Variants in PDE1A observed in about 807,000 individuals in gnomAD.
PDE1A encodes dual specificity calcium/calmodulin-dependent 3',5'-cyclic nucleotide phosphodiesterase 1A.
In PDE1A, 35 loss-of-function variants were observed where a neutral mutation model predicts 61.7. That is an observed-to-expected ratio of 0.57 (90% CI 0.43 to 0.75). PDE1A has a LOEUF of 0.75. Ranked by LOEUF, PDE1A falls within the 30% of genes least tolerant of loss-of-function variation. The probability of loss-of-function intolerance (pLI) is 0.00; values close to 1 mark genes in which losing one functional copy is unlikely to be tolerated. For missense variants in PDE1A, 597 were observed against 630.6 expected, an observed-to-expected ratio of 0.95 and a Z score of 0.57; for synonymous variants, 232 against 213.2, an observed-to-expected ratio of 1.09 and a Z score of -0.77.
At chr2:182,541,407 C>T in the PDE1A span, among the ~76,000 whole-genome samples, 1 of 152,236 alleles carries the variant, frequency 6.6e-6, no homozygotes, top group Non-Finnish European at 1.5e-5. Context: ...AGTCTTACCA[C>T]TTTCCAACTC....
At chr2:182,547,941 G>A in the PDE1A span, among the ~76,000 whole-genome samples, 2 of 152,046 alleles carry the variant, frequency 1.3e-5, no homozygotes, top group East Asian at 1.9e-4. Flanking sequence ...CAACAATATC[G>A]AGAAACCGAG....
intron 1 of PDE1A, among the ~76,000 whole-genome samples, chr2:182,334,312 A>G (rs1697633664): frequency 6.6e-6 from 1 of 151,844 alleles, no homozygotes; most frequent in South Asian, 2.1e-4. Context: ...ACACACCAAA[A>G]AAAAAAGAAA....
chr2:182,420,188 G>A (rs1440653003), intron 1 of PDE1A, among the ~76,000 whole-genome samples: 1 of 152,008 alleles, frequency 6.6e-6, no homozygotes, highest in Non-Finnish European at 1.5e-5. Context: ...ATTAGCAAGA[G>A]TCTCTTTTTT....
intron 2 of PDE1A, among the ~76,000 whole-genome samples, chr2:182,493,021 C>A (rs757934433): frequency 5.3e-5 from 8 of 151,640 alleles, no homozygotes; most frequent in Non-Finnish European, 8.8e-5. Flanking sequence ...GGCTTTTCAA[C>A]CACACTTCTT....
At chr2:182,154,449 T>C (rs2125280822) in intron 13 of PDE1A, among the ~76,000 whole-genome samples, 1 of 152,318 alleles carries the variant, frequency 6.6e-6, no homozygotes, top group South Asian at 2.1e-4. Flanking sequence ...GGTTTAGCTG[T>C]GTCCCCACCC....
chr2:182,644,128 T>TACACACACACACAC, the PDE1A span, among the ~76,000 whole-genome samples: 35,528 of 128,384 alleles, frequency 0.28, 5,815 homozygotes, highest in Admixed American at 0.4. Context: ...AATCAATGAT[T>TACACACACACACAC]ACACACACAC....
chr2:182,487,997 T>C (rs142876166), intron 2 of PDE1A, among the ~76,000 whole-genome samples: 7 of 152,342 alleles, frequency 4.6e-5, no homozygotes, highest in Non-Finnish European at 7.4e-5. Flanking sequence ...CCACTGTTTA[T>C]AGTTTTCTTT....
intron 1 of PDE1A, among the ~76,000 whole-genome samples, chr2:182,388,785 T>C (rs755517760): frequency 4.6e-5 from 7 of 151,428 alleles, no homozygotes; most frequent in Admixed American, 6.6e-5. Context: ...TTAAAGTATA[T>C]GGAAGGAAGT....
At chr2:182,278,605 AT>A (rs1693598463) in intron 1 of PDE1A, among the ~76,000 whole-genome samples, 1 of 151,948 alleles carries the variant, frequency 6.6e-6, no homozygotes, top group Admixed American at 6.6e-5. Context: ...TTGTTTATGT[AT>A]TATGGACTAG....
chr2:182,662,517 A>T, the PDE1A span, among the ~76,000 whole-genome samples: 2 of 152,118 alleles, frequency 1.3e-5, no homozygotes, highest in Non-Finnish European at 2.9e-5. Flanking sequence ...CAGAATAGAG[A>T]GCGCAGAAAT....
chr2:182,345,398 A>G (rs1256738517), intron 1 of PDE1A, among the ~76,000 whole-genome samples: 1 of 152,196 alleles, frequency 6.6e-6, no homozygotes, highest in Non-Finnish European at 1.5e-5. Context: ...ATAGTACACC[A>G]ATAAATATTA....
At chr2:182,608,607 C>G in the PDE1A span, among the ~76,000 whole-genome samples, 1 of 152,208 alleles carries the variant, frequency 6.6e-6, no homozygotes, top group South Asian at 2.1e-4. Context: ...AGCTGCTGTG[C>G]TCGATTTCTC....
At chr2:182,446,073 A>G (rs1685111931) in intron 2 of PDE1A, among the ~76,000 whole-genome samples, 1 of 152,150 alleles carries the variant, frequency 6.6e-6, no homozygotes, top group African/African-American at 2.4e-5. Context: ...AACTTAAATC[A>G]TAGGGATGGC....
chr2:182,500,193 G>A (rs1245489475), intron 2 of PDE1A, among the ~76,000 whole-genome samples: 2 of 152,092 alleles, frequency 1.3e-5, no homozygotes, highest in Non-Finnish European at 2.9e-5. Context: ...AAAACAAGAA[G>A]TTATACTCCA....
intron 13 of PDE1A, among the ~76,000 whole-genome samples, chr2:182,156,966 C>T (rs533043690): frequency 3.1e-4 from 46 of 148,928 alleles, no homozygotes; most frequent in African/African-American, 9.1e-4. Context: ...ATTTTTGTTT[C>T]GTTGAATTTT....
At chr2:182,352,428 C>T (rs1005716633) in intron 1 of PDE1A, among the ~76,000 whole-genome samples, 1 of 152,058 alleles carries the variant, frequency 6.6e-6, no homozygotes, top group African/African-American at 2.4e-5. Flanking sequence ...ATCCATGATG[C>T]CTTAAAAGGC....
chr2:182,379,302 T>A (rs1449517868), intron 1 of PDE1A, among the ~76,000 whole-genome samples: 1 of 152,200 alleles, frequency 6.6e-6, no homozygotes, highest in Non-Finnish European at 1.5e-5. Flanking sequence ...AAGCCAGATA[T>A]TAGATGCAAT....
chr2:182,274,850 ATAAT>A (rs1474694930), intron 1 of PDE1A, among the ~76,000 whole-genome samples: 3 of 152,258 alleles, frequency 2.0e-5, no homozygotes. Context: ...ATCATTGTAA[ATAAT>A]TCTTTCTTTA....
intron 1 of PDE1A, among the ~76,000 whole-genome samples, chr2:182,295,057 C>CTTT (rs11420821): frequency 0.14 from 8,424 of 59,108 alleles, 2,814 homozygotes; most frequent in Middle Eastern, 0.35. Context: ...AAAAGGTAAT[C>CTTT]TTTTTTTTTT....
Sources: allele counts gnomAD v4.1 joint callset (sites outside exome capture counted in the v4.1 genomes callset), GRCh38; gene constraint gnomAD v4.1.1; transcripts MANE v1.5; gene names NCBI Gene and HGNC (gene_info 2026-07-23, HGNC 2026-07-21).